CYP20A1: variants seen among roughly 807,000 people sequenced by gnomAD.
CYP20A1 encodes cytochrome P450 20A1.
Under a neutral mutation model 61.4 loss-of-function variants are expected in CYP20A1, and 61 were observed. The ratio of observed to expected loss-of-function variants is 0.99; its 90% confidence interval spans 0.81 to 1.23. The LOEUF (loss-of-function observed/expected upper bound fraction) is 1.23. Ranked by LOEUF, CYP20A1 falls within the 50% of genes most tolerant of loss-of-function variation. CYP20A1 has a pLI of 0.00. For synonymous variants in CYP20A1, 193 were observed against 188.2 expected (o/e 1.03, Z -0.21); for missense variants, 530 against 542.4 (o/e 0.98, Z 0.23).
intron 6 of CYP20A1, among the ~76,000 whole-genome samples, chr2:203,273,142 G>C (rs368481518): frequency 6.6e-6 from 1 of 152,106 alleles, no homozygotes; most frequent in South Asian, 2.1e-4. Context: ...ACTGTGCCCG[G>C]CCTATATTTA....
chr2:203,285,348 G>C (rs1398115078), intron 8 of CYP20A1, among the ~76,000 whole-genome samples: 1 of 151,982 alleles, frequency 6.6e-6, no homozygotes, highest in African/African-American at 2.4e-5. Context: ...AAATTAAGTG[G>C]CTCCAGTTAC....
At chr2:203,258,003 G>GTGCAGTGGCACAATTCTAGCTCACT in intron 4 of CYP20A1, among the ~76,000 whole-genome samples, 1 of 151,448 alleles carries the variant, frequency 6.6e-6, no homozygotes, top group Non-Finnish European at 1.5e-5. Flanking sequence ...CTGGGCTGAA[G>GTGCAGTGGCACAATTCTAGCTCACT]GGATCCTCCT....
chr2:203,248,269 C>T (rs958544195), intron 3 of CYP20A1, among the ~76,000 whole-genome samples: 6 of 152,104 alleles, frequency 3.9e-5, no homozygotes, highest in African/African-American at 1.4e-4. Flanking sequence ...CGTGATGGCT[C>T]CTGCCTGGTG....
chr2:203,277,075 G>A (rs186085012), intron 6 of CYP20A1, among the ~76,000 whole-genome samples: 2 of 152,284 alleles, frequency 1.3e-5, no homozygotes, highest in Admixed American at 6.5e-5. Flanking sequence ...TTGGCCGGGC[G>A]TGGTGGCTCA....
intron 9 of CYP20A1, among the ~76,000 whole-genome samples, chr2:203,286,835 T>C (rs1218320776): frequency 6.6e-6 from 1 of 152,168 alleles, no homozygotes; most frequent in African/African-American, 2.4e-5. Context: ...TTAATTTTTT[T>C]TTAATTGCAA....
chr2:203,290,784 AGGCTTGT>A (rs1043470183), intron 10 of CYP20A1, among the ~76,000 whole-genome samples: 17 of 152,148 alleles, frequency 1.1e-4, no homozygotes, highest in Non-Finnish European at 1.9e-4. Flanking sequence ...CTGGGATTAC[AGGCTTGT>A]GCCACAAGGC....
chr2:203,302,301 C>T lies in CYP20A1; in HGVS notation c.*5393C>T, dbSNP rs928736994. On this transcript the variant is annotated 3_prime_UTR_variant, in exon 13 of 13. Transcript: ENST00000356079. Reference sequence around the variant, plus strand: ...ACTCAAGCACTTTGGGAGTTCAAGGCGGCCAGATTGCTTGAGCTTTTAGAA... The same window carrying T: ...ACTCAAGCACTTTGGGAGTTCAAGGTGGCCAGATTGCTTGAGCTTTTAGAA... Among the ~76,000 whole-genome samples, 3 of 152,116 alleles carry T rather than the reference C, an allele frequency of 2.0e-5. No individual in the cohort carries two copies. Among genetic ancestry groups the T allele is most frequent in the Non-Finnish European group, 4.4e-5 (3 of 68,028 alleles).
intron 4 of CYP20A1, among the ~76,000 whole-genome samples, chr2:203,259,286 T>C (rs2067036412): frequency 6.6e-6 from 1 of 152,194 alleles, no homozygotes; most frequent in Admixed American, 6.5e-5. Flanking sequence ...TAGTCAGTGA[T>C]ATAGTTTGAA....
chr2:203,262,459 A>G (rs1351534486), intron 4 of CYP20A1, among the ~76,000 whole-genome samples: 1 of 152,276 alleles, frequency 6.6e-6, no homozygotes, highest in Non-Finnish European at 1.5e-5. Flanking sequence ...ATTTTTTTAC[A>G]TGAACCAACT....
At position 203,296,507 on chromosome 2, in the gene CYP20A1, A is replaced by G; in HGVS notation, c.1182A>G (p.Val394=). ...FDPDRFDDEL[V]MKTFSSLGFS... ...CAGATCGGTTTGATGATGAATTAGT[A>G]ATGAAAACTTTTTCCTCACTTGGAT... The change falls in exon 12 of 13, where the codon GTA becomes GTG. Residue 394 remains valine, a synonymous_variant. Transcript: ENST00000356079. 1 of 1,612,754 alleles carries G rather than the reference A, an allele frequency of 6.2e-7. No homozygotes were observed. The highest frequency in any genetic ancestry group is 8.5e-7 in the Non-Finnish European group (1 of 1,179,292).
At position 203,301,043 on chromosome 2, in the gene CYP20A1, A is replaced by C. The variant is rs1047648368; in HGVS notation, c.*4135A>C. Among the ~76,000 whole-genome samples the C allele has an allele frequency of 1.2e-4, 18 of 151,894 alleles. No individual in the cohort carries two copies. Among genetic ancestry groups the C allele is most frequent in the African/African-American group, 4.3e-4 (18 of 41,394 alleles). On this transcript the variant is annotated 3_prime_UTR_variant, in exon 13 of 13. Coordinates refer to ENST00000356079, the MANE Select transcript of CYP20A1 (RefSeq NM_177538.3). ...GAAACTTCATCTCTACTAAAAATAC[A>C]AAATTAGCCGGGCGTGGTGGCACAT...
In CYP20A1 at chr2:203,302,409, C is replaced by A. The variant is rs2069057400; in HGVS notation, c.*5501C>A. ...ACTTAGCCAGCCTTGGTGGCACCACCTGCAGTCCCAACTATTCAGGAGGCT... is the reference window on the plus strand; with the variant it reads ...ACTTAGCCAGCCTTGGTGGCACCACATGCAGTCCCAACTATTCAGGAGGCT... On this transcript the variant is annotated 3_prime_UTR_variant, in exon 13 of 13. Coordinates refer to ENST00000356079, the MANE Select transcript of CYP20A1 (RefSeq NM_177538.3). Among the ~76,000 whole-genome samples, 1 of 152,278 alleles carries A rather than the reference C, an allele frequency of 6.6e-6. No individual in the cohort carries two copies. Among genetic ancestry groups the A allele is most frequent in the African/African-American group, 2.4e-5 (1 of 41,562 alleles).
chr2:203,296,824 G>A lies in CYP20A1; in HGVS notation c.1305G>A (p.Val435=), dbSNP rs2068819839. 4 of 1,611,606 alleles carry A rather than the reference G, an allele frequency of 2.5e-6. No homozygotes were observed. The South Asian group carries it at 4.4e-5, about 18-fold the overall frequency. ...TGAAGAGACTGCACCTACTTTCTGTGGAGGGACAGGTTATTGAAACAAAGT... is the reference window on the plus strand; with the variant it reads ...TGAAGAGACTGCACCTACTTTCTGTAGAGGGACAGGTTATTGAAACAAAGT... ...VLVKRLHLLS[V]EGQVIETKYE... The change falls in exon 13 of 13, where the codon GTG becomes GTA. Residue 435 remains valine (V), a synonymous_variant. Transcript: ENST00000356079.
intron 4 of CYP20A1, 76 bp from the exon 5 acceptor site, chr2:203,266,438 T>C: frequency 7.5e-7 from 1 of 1,333,490 alleles, no homozygotes; most frequent in Non-Finnish European, 1.1e-6. Flanking sequence ...TGCCATTAAA[T>C]GAATCTACTT....
intron 1 of CYP20A1, among the ~76,000 whole-genome samples, chr2:203,244,250 G>C (rs900027437): frequency 1.3e-5 from 2 of 152,058 alleles, no homozygotes; most frequent in African/African-American, 4.8e-5. Flanking sequence ...CATCCAGGCT[G>C]AAGTGCAGTG....
At chr2:203,276,966 A>C (rs1211908645) in intron 6 of CYP20A1, among the ~76,000 whole-genome samples, 1 of 152,228 alleles carries the variant, frequency 6.6e-6, no homozygotes, top group African/African-American at 2.4e-5. Context: ...AGATTGAAAA[A>C]GAATCAAAAA....
chr2:203,257,984 A>G (rs2066974069), intron 4 of CYP20A1, among the ~76,000 whole-genome samples: 3 of 152,200 alleles, frequency 2.0e-5, no homozygotes, highest in Non-Finnish European at 4.4e-5. Context: ...TCACTGGAGC[A>G]TCGAATTCCT....
intron 11 of CYP20A1, among the ~76,000 whole-genome samples, chr2:203,294,031 T>C (rs1047718884): frequency 6.6e-6 from 1 of 152,068 alleles, no homozygotes; most frequent in Non-Finnish European, 1.5e-5. Flanking sequence ...TCACCCAGGC[T>C]GGAGTGCAGT....
chr2:203,298,732 A>G lies in CYP20A1; in HGVS notation c.*1824A>G, dbSNP rs1463363394. On this transcript the variant is annotated 3_prime_UTR_variant, in exon 13 of 13. Transcript: ENST00000356079. ...AAAAAAAAAGGAGGTGGGGAGAGCT[A>G]TTTCAAGAATATTTTAAGTAGGCTG... Among the ~76,000 whole-genome samples the G allele has an allele frequency of 6.7e-6, 1 of 150,026 alleles. No homozygotes were observed. Among genetic ancestry groups the G allele is most frequent in the Non-Finnish European group, 1.5e-5 (1 of 67,646 alleles).
Sources: allele counts gnomAD v4.1 joint callset (sites outside exome capture counted in the v4.1 genomes callset), GRCh38; gene constraint gnomAD v4.1.1; transcripts MANE v1.5; gene names NCBI Gene and HGNC (gene_info 2026-07-23, HGNC 2026-07-21).